The following SUSD5 variants were observed in gnomAD, a reference collection of about 807,000 sequenced individuals.
SUSD5 encodes the protein sushi domain-containing protein 5.
Under a neutral mutation model 29.5 loss-of-function variants are expected in SUSD5, and 33 were observed. The ratio of observed to expected loss-of-function variants is 1.12; its 90% CI spans 0.85 to 1.49. SUSD5 has a LOEUF of 1.49. Ranked by LOEUF, SUSD5 falls within the 40% of genes most tolerant of loss-of-function variation. SUSD5 has a pLI of 0.00. For missense variants in SUSD5, 776 were observed against 800.6 expected (o/e 0.97, Z 0.37); for synonymous variants, 308 against 325.3 (o/e 0.95, Z 0.57).
chr3:33,208,076 C>CA (rs5847778), intron 2 of SUSD5, 150 bp from the exon 3 acceptor site: 130,035 of 581,374 alleles, frequency 0.22, 15,406 homozygotes, highest in East Asian at 0.41. Flanking sequence ...ACATTCTCTG[C>CA]AAAAAAAAGG....
chr3:33,191,286 C>A (rs1052092014), intron 3 of SUSD5, among the ~76,000 whole-genome samples: 1 of 152,004 alleles, frequency 6.6e-6, no homozygotes. Context: ...CCTGCCACCA[C>A]GCCTGGCTAA....
At chr3:33,191,438 C>CT (rs1462772017) in intron 3 of SUSD5, among the ~76,000 whole-genome samples, 1 of 152,008 alleles carries the variant, frequency 6.6e-6, no homozygotes, top group South Asian at 2.1e-4. Flanking sequence ...CCTAGTATAC[C>CT]TTTTTTTCCC....
rs1458741995 is a variant in SUSD5, at chr3:33,153,728, G to T, written c.904C>A (p.His302Asn). ...HLFWFPAEAF[H>N]KPGLEKEVDD... The stretch of plus-strand genomic sequence containing the variant: ...ACCTCCTTTTCCAACCCAGGCTTGT[G>T]GAAAGCCTCAGCAGGAAACCAGAAC... The change falls in exon 5 of 5, where the codon CAC becomes AAC. Residue 302 changes from histidine to asparagine, a missense_variant. His to Asn is a moderately conservative substitution (Grantham distance 68). Coordinates refer to ENST00000309558, the MANE Select transcript of SUSD5 (RefSeq NM_015551.2). The T allele has an allele frequency of 1.2e-6, 2 of 1,614,052 alleles. No individual in the cohort carries two copies. The highest frequency in any genetic ancestry group is 1.1e-5 in the South Asian group (1 of 91,090).
Position 33,167,932 on chromosome 3 carries a change from T to TG in SUSD5, c.598+6953dup, listed in dbSNP as rs1314238544. 6.6e-6 allele frequency among the ~76,000 whole-genome samples: 1 copy of TG among 152,226 alleles called. No individual in the cohort carries two copies. The highest frequency in any genetic ancestry group is 1.9e-4 in the East Asian group (1 of 5,198). On this transcript the variant is annotated intron_variant, in intron 4 of 4. Coordinates refer to ENST00000309558, the MANE Select transcript of SUSD5 (RefSeq NM_015551.2). The surrounding 1 kb of genome is among the most constrained non-coding windows in gnomAD (Gnocchi z 4.1). ...TGTGAAAACCTGTGCTAACACAACATGGGGCCTTCTGATTTAGACAAACAA... is the reference window on the plus strand; with the variant it reads ...TGTGAAAACCTGTGCTAACACAACATGGGGGCCTTCTGATTTAGACAAACAA...
intron 2 of SUSD5, among the ~76,000 whole-genome samples, chr3:33,210,814 GA>G (rs1304045829): frequency 2.6e-5 from 4 of 152,260 alleles, no homozygotes; most frequent in Admixed American, 1.3e-4. Context: ...AAAAGGGATA[GA>G]AAAACTATTT....
intron 1 of SUSD5, among the ~76,000 whole-genome samples, chr3:33,217,068 T>C (rs2032439377): frequency 6.6e-6 from 1 of 152,212 alleles, no homozygotes; most frequent in Non-Finnish European, 1.5e-5. Context: ...TAATTTTCTA[T>C]GACCCGTATC....
rs540490693 is a variant in SUSD5 at position 33,174,831 on chromosome 3, C to T, written c.598+55G>A. 693 of 1,590,576 alleles carry T rather than the reference C, an allele frequency of 4.4e-4. 4 individuals carry two copies. The African/African-American group carries it at 8.2e-3, about 19-fold the overall frequency. On this transcript the variant is annotated intron_variant, in intron 4 of 4. Coordinates refer to ENST00000309558, the MANE Select transcript of SUSD5 (RefSeq NM_015551.2). The stretch of plus-strand genomic sequence containing the variant: ...CCGCATGCAGCCAGCAGCAGTGGAG[C>T]CCTCAGCCAGCACTGCGTGGGCACG...
At position 33,153,844 on chromosome 3, in the gene SUSD5, T is replaced by G; in HGVS notation, c.788A>C (p.Asp263Ala). ...GCCTGTGGTTGGCACAAAGACTTTA[T>G]CCCGGGCTATGTTTTCTCTCCCCAC... The part of the protein sequence containing the change: ...ISVGRENIAR[D>A]KVFVPTTGLP... Residue 263 changes from aspartate to alanine, a missense_variant, in exon 5 of 5, where the codon GAT becomes GCT. Coordinates refer to ENST00000309558, the MANE Select transcript of SUSD5 (RefSeq NM_015551.2). The G allele has an allele frequency of 6.2e-7, 1 of 1,613,998 alleles. No individual in the cohort carries two copies. The highest frequency in any genetic ancestry group is 8.5e-7 in the Non-Finnish European group (1 of 1,179,868).
chr3:33,208,600 C>G (rs574424629), intron 2 of SUSD5, among the ~76,000 whole-genome samples: 7 of 151,742 alleles, frequency 4.6e-5, no homozygotes, highest in Non-Finnish European at 7.4e-5. Context: ...TTCTTTTTTC[C>G]CACTTTGGGT....
Position 33,152,981 on chromosome 3 carries a change from C to T in SUSD5, c.1651G>A (p.Ala551Thr), listed in dbSNP as rs781043835. 5.6e-6 allele frequency: 9 copies of T among 1,613,976 alleles called. No homozygotes were observed. The highest frequency in any genetic ancestry group is 1.7e-5 in the Admixed American group (1 of 60,012). ...AAGGTGGGATGAAGCTCCTCACTTG[C>T]ACCTGGCCCGGGGCCTTCCTGTCCA... is the stretch of plus-strand genomic sequence containing the variant. ...FFGQEGPGPGASEELHPTLES... is the reference protein window; with the variant it reads ...FFGQEGPGPGTSEELHPTLES... Residue 551 changes from alanine (A) to threonine (T), a missense_variant, in exon 5 of 5, where the codon GCA becomes ACA. Transcript: ENST00000309558.
chr3:33,192,512 A>C (rs2031913937), intron 3 of SUSD5, among the ~76,000 whole-genome samples: 1 of 151,954 alleles, frequency 6.6e-6, no homozygotes, highest in South Asian at 2.1e-4. Context: ...ATATCTACAT[A>C]TATCAATACA....
At chr3:33,154,418 G>A (rs577629696) in intron 4 of SUSD5, among the ~76,000 whole-genome samples, 98 of 152,278 alleles carry the variant, frequency 6.4e-4, no homozygotes, top group African/African-American at 2.2e-3. Flanking sequence ...AGCTACTCAG[G>A]AGGATGAGAC....
chr3:33,170,165 C>T (rs367545093), intron 4 of SUSD5, among the ~76,000 whole-genome samples: 6 of 152,204 alleles, frequency 3.9e-5, no homozygotes, highest in African/African-American at 1.4e-4. Context: ...GTAATCCTCC[C>T]GCCTTGGCCT....
chr3:33,165,922 C>A (rs922901624), intron 4 of SUSD5, among the ~76,000 whole-genome samples: 1 of 151,218 alleles, frequency 6.6e-6, no homozygotes, highest in Admixed American at 6.6e-5. Flanking sequence ...ATAGGAGGAT[C>A]ACTTGAACCC....
At chr3:33,179,384 T>G (rs571907856) in intron 3 of SUSD5, among the ~76,000 whole-genome samples, 1 of 152,148 alleles carries the variant, frequency 6.6e-6, no homozygotes, top group Non-Finnish European at 1.5e-5. Flanking sequence ...CAAAGAAGAA[T>G]GGACAGCTGT....
At chr3:33,191,378 C>T (rs1020095921) in intron 3 of SUSD5, among the ~76,000 whole-genome samples, 2 of 152,120 alleles carry the variant, frequency 1.3e-5, no homozygotes, top group African/African-American at 4.8e-5. Flanking sequence ...GATCCACCCG[C>T]CTCGGCCTCC....
intron 3 of SUSD5, among the ~76,000 whole-genome samples, chr3:33,206,617 C>A (rs928731885): frequency 6.6e-6 from 1 of 151,990 alleles, no homozygotes; most frequent in Non-Finnish European, 1.5e-5. Flanking sequence ...AGAGAGGGAC[C>A]CCAGAGCAGA....
In SUSD5 at chr3:33,207,805, G is replaced by C; in HGVS notation, c.409+3C>G. The C allele has an allele frequency of 6.2e-7, 1 of 1,602,916 alleles. No individual in the cohort carries two copies. Among genetic ancestry groups the C allele is most frequent in the Non-Finnish European group, 8.5e-7 (1 of 1,171,146 alleles). ...GCACCTTTAAGAAGACTCTGGCACT[G>C]ACCTTCATCCTTAATACAAAGGGCA... On this transcript the variant is annotated splice_donor_region_variant and intron_variant, in intron 3 of 4. Coordinates refer to ENST00000309558, the MANE Select transcript of SUSD5 (RefSeq NM_015551.2).
chr3:33,166,606 G>C (rs1027849266), intron 4 of SUSD5, among the ~76,000 whole-genome samples: 1 of 152,122 alleles, frequency 6.6e-6, no homozygotes, highest in African/African-American at 2.4e-5. Context: ...CTGAGAACAA[G>C]GGCATGTCCC....
Sources: gnomAD v4.1 joint callset for allele counts (sites outside exome capture counted in the v4.1 genomes callset) on GRCh38, gnomAD v4.1.1 for gene constraint, Gnocchi (gnomAD v3.1) non-coding constraint, MANE v1.5 for transcripts, NCBI Gene and HGNC (gene_info 2026-07-23, HGNC 2026-07-21) for gene names.